The following BLM variants were observed in gnomAD, a reference collection of about 807,000 sequenced individuals.
BLM encodes BLM RecQ like helicase, also known as recQ-like DNA helicase BLM.
A neutral mutation model predicts 135.3 loss-of-function variants in BLM; 95 were observed. The ratio of observed to expected loss-of-function variants is 0.70; its 90% confidence interval spans 0.59 to 0.83. BLM has a LOEUF of 0.83. BLM is among the 40% of genes least tolerant of loss of function. BLM has a pLI of 0.00. For synonymous variants in BLM, 520 were observed against 589.2 expected, an observed-to-expected ratio of 0.88 and a Z score of 1.70; for missense variants, 1,518 against 1,663.9, an observed-to-expected ratio of 0.91 and a Z score of 1.53.
chr15:90,806,635 T>A (rs1472897299), intron 19 of BLM, among the ~76,000 whole-genome samples: 3 of 152,194 alleles, frequency 2.0e-5, no homozygotes, highest in Non-Finnish European at 4.4e-5. Flanking sequence ...TACTTACTGG[T>A]CTGAGTTATT....
At chr15:90,789,615 C>T (rs1896846652) in intron 14 of BLM, among the ~76,000 whole-genome samples, 2 of 152,252 alleles carry the variant, frequency 1.3e-5, no homozygotes, top group Non-Finnish European at 2.9e-5. Flanking sequence ...CACTCACCGC[C>T]ATTCCTGGTG....
In BLM at chr15:90,790,791, G is replaced by T; in HGVS notation, c.2966G>T (p.Cys989Phe). 1 of 1,614,154 alleles carries T rather than the reference G, an allele frequency of 6.2e-7. No individual in the cohort carries two copies. Among genetic ancestry groups the T allele is most frequent in the Non-Finnish European group, 8.5e-7 (1 of 1,180,028 alleles). The change falls in exon 15 of 22, where the codon TGC (cysteine) becomes TTC (phenylalanine). Residue 989 changes from cysteine (C) to phenylalanine (F), a missense_variant. Physicochemically the swap from Cys to Phe is radical, Grantham distance 205 (BLOSUM62 -2). Coordinates refer to ENST00000355112, the MANE Select transcript of BLM (RefSeq NM_000057.4). ...RAGRDGEISHCLLFYTYHDVT... is the reference protein window; with the variant it reads ...RAGRDGEISHFLLFYTYHDVT... ...GGAAGAGATGGGGAAATATCTCACT[G>T]CCTGCTTTTCTATACCTATCATGAT...
chr15:90,786,563 C>T (rs943199449), intron 14 of BLM, among the ~76,000 whole-genome samples: 1 of 152,102 alleles, frequency 6.6e-6, no homozygotes, highest in Non-Finnish European at 1.5e-5. Flanking sequence ...TGTATTCATC[C>T]TTGTGTGTGG....
At chr15:90,756,127 G>A (rs184526545) in intron 5 of BLM, among the ~76,000 whole-genome samples, 4 of 148,444 alleles carry the variant, frequency 2.7e-5, no homozygotes, top group African/African-American at 1.0e-4. Flanking sequence ...TTTTTGAGAC[G>A]GAGTCTCGCT....
intron 1 of BLM, among the ~76,000 whole-genome samples, chr15:90,718,084 T>C (rs1488002403): frequency 6.6e-6 from 1 of 152,194 alleles, no homozygotes; most frequent in Non-Finnish European, 1.5e-5. Context: ...AAATGGTCTC[T>C]TCTACTTCCT....
intron 14 of BLM, among the ~76,000 whole-genome samples, chr15:90,790,088 T>G (rs1896866425): frequency 6.7e-6 from 1 of 149,498 alleles, no homozygotes; most frequent in Non-Finnish European, 1.5e-5. Context: ...AGCTTTGACT[T>G]TAAATCAGCT....
At position 90,747,489 on chromosome 15, in the gene BLM, T is replaced by C. The variant is rs1286825856; in HGVS notation, c.97T>C (p.Ser33Pro). 1 of 1,593,678 alleles carries C rather than the reference T, an allele frequency of 6.3e-7. No individual in the cohort carries two copies. Residue 33 changes from serine to proline, a missense_variant and splice_region_variant, in exon 2 of 22, where the codon TCA (serine) becomes CCA (proline). This residue lies in a region of BLM where 724 missense variants were observed against 756.9 expected (regional missense o/e 0.96). Coordinates refer to ENST00000355112, the MANE Select transcript of BLM (RefSeq NM_000057.4). The stretch of plus-strand genomic sequence containing the variant: ...ATTAAGTCTTTCAAAACCAAAATTT[T>C]CGTAAGTGTTTTGACTGGTTTGCTG... Reference protein sequence around the residue: ...NKLSLSKPKFSGFTFKKKTSS... With the variant: ...NKLSLSKPKFPGFTFKKKTSS...
intron 19 of BLM, among the ~76,000 whole-genome samples, chr15:90,805,780 C>T (rs1250286058): frequency 6.6e-6 from 1 of 151,868 alleles, no homozygotes; most frequent in Non-Finnish European, 1.5e-5. Flanking sequence ...ATCCCCCTGC[C>T]TCAGCCTCCC....
chr15:90,783,743 T>C (rs1266371738), intron 13 of BLM, among the ~76,000 whole-genome samples: 3 of 152,072 alleles, frequency 2.0e-5, no homozygotes, highest in Non-Finnish European at 4.4e-5. Flanking sequence ...CTACAAAAAT[T>C]ATCCAGACGT....
At chr15:90,783,059 C>CA in intron 13 of BLM, 131 bp downstream of exon 13, 7 of 693,898 alleles carry the variant, frequency 1.0e-5, no homozygotes, top group Non-Finnish European at 1.5e-5. Flanking sequence ...CTTTATAGAG[C>CA]AGACTATTGC....
intron 3 of BLM, among the ~76,000 whole-genome samples, chr15:90,750,799 T>C (rs899967033): frequency 6.6e-6 from 1 of 152,162 alleles, no homozygotes; most frequent in Non-Finnish European, 1.5e-5. Context: ...GCTTAATTAA[T>C]AAATTAAACT....
intron 12 of BLM, among the ~76,000 whole-genome samples, chr15:90,778,333 T>C (rs1389776954): frequency 2.6e-5 from 4 of 152,224 alleles, no homozygotes; most frequent in Non-Finnish European, 4.4e-5. Context: ...TTTAAGAAAT[T>C]CAGATTATGT....
At chr15:90,785,215 A>C (rs1372658327) in intron 14 of BLM, 134 bp downstream of exon 14, 2 of 1,076,970 alleles carry the variant, frequency 1.9e-6, no homozygotes, top group South Asian at 1.5e-5. Context: ...TTTAAAAAAC[A>C]GATTTTCTTT....
At chr15:90,723,343 TC>T (rs1028406925) in intron 1 of BLM, among the ~76,000 whole-genome samples, 2 of 151,344 alleles carry the variant, frequency 1.3e-5, no homozygotes, top group Middle Eastern at 3.2e-3. Flanking sequence ...GTTTTTCTTT[TC>T]TTTTTTTTTT....
intron 19 of BLM, among the ~76,000 whole-genome samples, chr15:90,806,847 A>G (rs115831292): frequency 0.026 from 3,984 of 152,332 alleles, 182 homozygotes; most frequent in African/African-American, 0.09. Context: ...GATGCCAACT[A>G]TATTAAGATA....
intron 1 of BLM, among the ~76,000 whole-genome samples, chr15:90,743,611 T>C (rs1487870458): frequency 1.3e-5 from 2 of 151,466 alleles, no homozygotes; most frequent in African/African-American, 4.9e-5. Flanking sequence ...GTGATCATAG[T>C]GCACTACAGC....
At chr15:90,741,760 C>A (rs1895369455) in intron 1 of BLM, among the ~76,000 whole-genome samples, 1 of 152,170 alleles carries the variant, frequency 6.6e-6, no homozygotes, top group South Asian at 2.1e-4. Flanking sequence ...ATGATAATCT[C>A]ATCTCTTCTA....
intron 19 of BLM, chr15:90,808,712 G>A (rs1211595591): frequency 7.3e-6 from 2 of 273,760 alleles, no homozygotes; most frequent in African/African-American, 2.2e-5. Context: ...CTAGGGTGGG[G>A]TGTACAAGTC....
At chr15:90,743,185 C>T (rs1895414317) in intron 1 of BLM, among the ~76,000 whole-genome samples, 1 of 151,988 alleles carries the variant, frequency 6.6e-6, no homozygotes, top group South Asian at 2.1e-4. Context: ...CCCTGTGTTG[C>T]CCAGGCTAGT....
Sources: allele counts gnomAD v4.1 joint callset (sites outside exome capture counted in the v4.1 genomes callset), GRCh38; gene constraint gnomAD v4.1.1; regional missense constraint gnomAD v4.1.1; transcripts MANE v1.5; gene names NCBI Gene and HGNC (gene_info 2026-07-23, HGNC 2026-07-21).